Variants in KIRREL3 observed in about 807,000 individuals in gnomAD.
The protein encoded by KIRREL3 is kin of IRRE-like protein 3.
Under a neutral mutation model 89.7 loss-of-function variants are expected in KIRREL3, and 36 were observed. The observed-to-expected ratio is 0.40, with a 90% CI of 0.31 to 0.53. The LOEUF (loss-of-function observed/expected upper bound fraction) is 0.53, where lower values mean the gene tolerates loss of function less well. KIRREL3 is among the 20% of genes least tolerant of loss of function. KIRREL3 has a pLI of 0.49. For synonymous variants in KIRREL3, 445 were observed against 441.4 expected (o/e 1.01, Z -0.10); for missense variants, 864 against 1,056.6 (o/e 0.82, Z 2.53).
intron 4 of KIRREL3, among the ~76,000 whole-genome samples, chr11:126,507,918 A>G (rs546950653): frequency 6.6e-6 from 1 of 152,056 alleles, no homozygotes; most frequent in Non-Finnish European, 1.5e-5. Flanking sequence ...GCCTCTAGCT[A>G]TTTCCTTTGT....
chr11:126,871,059 T>G (rs1360132841), intron 1 of KIRREL3, among the ~76,000 whole-genome samples: 1 of 152,180 alleles, frequency 6.6e-6, no homozygotes, highest in Admixed American at 6.5e-5. Flanking sequence ...ACGGAGCCTC[T>G]TTTGATGAAA....
At chr11:126,442,176 G>A (rs536081722) in intron 10 of KIRREL3, among the ~76,000 whole-genome samples, 1 of 148,402 alleles carries the variant, frequency 6.7e-6, no homozygotes, top group Admixed American at 6.8e-5. Context: ...CAGGAGAATT[G>A]CTTGAACCTG....
At chr11:126,858,063 G>A (rs574012996) in intron 1 of KIRREL3, among the ~76,000 whole-genome samples, 2 of 152,150 alleles carry the variant, frequency 1.3e-5, no homozygotes, top group East Asian at 1.9e-4. Context: ...GAACTGCCTC[G>A]CCAAATGTGC....
At chr11:126,440,356 G>T in intron 11 of KIRREL3, 93 bp downstream of exon 11, 1 of 1,058,286 alleles carries the variant, frequency 9.4e-7, no homozygotes, top group Non-Finnish European at 1.4e-6. Context: ...GAACCTCGGA[G>T]GTGTGCACCG....
rs1949927022 is a variant in KIRREL3 at position 126,768,799 on chromosome 11, G to A, written c.56-205887C>T. The stretch of plus-strand genomic sequence containing the variant: ...CACTGTGGCTAAGCTTGATGGTCCT[G>A]GGGAAAGGAGGTATGGCAGGATGTC... On this transcript the variant is annotated intron_variant, in intron 1 of 16. Transcript: ENST00000525144. This position sits in a 1 kb window ranked among gnomAD's most constrained non-coding sequence, Gnocchi z 4.5. Among the ~76,000 whole-genome samples, 1 of 152,168 alleles carries A rather than the reference G, an allele frequency of 6.6e-6. No homozygotes were observed. Among genetic ancestry groups the A allele is most frequent in the African/African-American group, 2.4e-5 (1 of 41,434 alleles).
Position 126,642,830 on chromosome 11 carries a change from A to G in KIRREL3, c.56-79918T>C, listed in dbSNP as rs1270002243. Among the ~76,000 whole-genome samples, 2 of 152,230 alleles carry G rather than the reference A, an allele frequency of 1.3e-5. No individual in the cohort carries two copies. On this transcript the variant is annotated intron_variant, in intron 1 of 16. Transcript: ENST00000525144. This position sits in a 1 kb window ranked among gnomAD's most constrained non-coding sequence, Gnocchi z 4.9. Reference sequence around the variant, plus strand: ...TTGTATGTGCAAAATTCTGAACTGTACATCCAGTTGAACAAAGTAAACATT... The same window carrying G: ...TTGTATGTGCAAAATTCTGAACTGTGCATCCAGTTGAACAAAGTAAACATT...
In KIRREL3 at chr11:126,571,431, G is replaced by A. The variant is rs527707559; in HGVS notation, c.56-8519C>T. ...TGGGGGCTGGGTGCAGCCCAGCCTT[G>A]CCCCTCTCCCTTGGCCAGCATCACC... On this transcript the variant is annotated intron_variant, in intron 1 of 16. Transcript: ENST00000525144. This position sits in a 1 kb window ranked among gnomAD's most constrained non-coding sequence, Gnocchi z 7.7. 4.1e-4 allele frequency among the ~76,000 whole-genome samples: 62 copies of A among 152,308 alleles called. No individual in the cohort carries two copies. Among genetic ancestry groups the A allele is most frequent in the Non-Finnish European group, 2.2e-4 (15 of 68,020 alleles).
At chr11:126,426,823 A>G (rs2134136720) in intron 15 of KIRREL3, among the ~76,000 whole-genome samples, 1 of 152,234 alleles carries the variant, frequency 6.6e-6, no homozygotes. Flanking sequence ...CTGCCTCCTC[A>G]CTAAGGAGAC....
intron 1 of KIRREL3, among the ~76,000 whole-genome samples, chr11:126,680,423 G>T (rs980002879): frequency 2.1e-5 from 3 of 145,040 alleles, no homozygotes; most frequent in African/African-American, 8.3e-5. Context: ...TATACACATA[G>T]CCAGCAGCCA....
chr11:126,585,092 TG>T (rs950007036), intron 1 of KIRREL3, among the ~76,000 whole-genome samples: 6 of 149,034 alleles, frequency 4.0e-5, no homozygotes, highest in African/African-American at 1.5e-4. Context: ...GCTAATTTTT[TG>T]TATTTTTAGT....
rs1011468252 is a variant in KIRREL3, at chr11:126,983,873, C to T, written c.55+16582G>A. Among the ~76,000 whole-genome samples, 2 of 152,078 alleles carry T rather than the reference C, an allele frequency of 1.3e-5. No homozygotes were observed. Among genetic ancestry groups the T allele is most frequent in the African/African-American group, 4.8e-5 (2 of 41,404 alleles). On this transcript the variant is annotated intron_variant, in intron 1 of 16. Transcript: ENST00000525144. This position sits in a 1 kb window ranked among gnomAD's most constrained non-coding sequence, Gnocchi z 4.9. ...ACATAGCCTTTCTCAACTGAGATTC[C>T]TCCTCTGAACCAGAGAACCCCGAGA...
intron 1 of KIRREL3, among the ~76,000 whole-genome samples, chr11:126,760,512 C>T (rs542283911): frequency 6.6e-6 from 1 of 152,188 alleles, no homozygotes; most frequent in Non-Finnish European, 1.5e-5. Context: ...AAAGAAACAC[C>T]GAAGAAGAGT....
At position 126,515,734 on chromosome 11, in the gene KIRREL3, G is replaced by A. The variant is rs1321967117; in HGVS notation, c.433+5581C>T. 5.3e-5 allele frequency among the ~76,000 whole-genome samples: 8 copies of A among 152,174 alleles called. No individual in the cohort carries two copies. Among genetic ancestry groups the A allele is most frequent in the Non-Finnish European group, 1.5e-5 (1 of 68,030 alleles). The stretch of plus-strand genomic sequence containing the variant: ...GGACACAGCTGGGGGCTGGCCTCGG[G>A]GGGCCTTGTGTGGCCTGGCAGGGAG... On this transcript the variant is annotated intron_variant, in intron 4 of 16. Coordinates refer to ENST00000525144, the MANE Select transcript of KIRREL3 (RefSeq NM_032531.4). This position sits in a 1 kb window ranked among gnomAD's most constrained non-coding sequence, Gnocchi z 4.2.
Position 126,562,347 on chromosome 11 carries a change from AG to A in KIRREL3, c.133+487del, listed in dbSNP as rs1175619199. Among the ~76,000 whole-genome samples the A allele has an allele frequency of 6.6e-6, 1 of 152,154 alleles. No individual in the cohort carries two copies. The highest frequency in any genetic ancestry group is 1.5e-5 in the Non-Finnish European group (1 of 68,022). On this transcript the variant is annotated intron_variant, in intron 2 of 16. Coordinates refer to ENST00000525144, the MANE Select transcript of KIRREL3 (RefSeq NM_032531.4). The surrounding 1 kb of genome is among the most constrained non-coding windows in gnomAD (Gnocchi z 4.7). ...GGGGTAGGGTCAGTGGAGTTGGGAAAGGGGGCAGGTTTCCTAGGGTAAGTTC... is the reference window on the plus strand; with the variant it reads ...GGGGTAGGGTCAGTGGAGTTGGGAAAGGGGCAGGTTTCCTAGGGTAAGTTC...
At chr11:126,818,616 GTAGT>G in intron 1 of KIRREL3, among the ~76,000 whole-genome samples, 1 of 68,052 alleles carries the variant, frequency 1.5e-5, no homozygotes, top group South Asian at 5.2e-4. Context: ...AGTAGTAGTA[GTAGT>G]AGTAGTGTGT....
In KIRREL3 at chr11:126,529,216, A is replaced by G. The variant is rs1465792841; in HGVS notation, c.134-2529T>C. On this transcript the variant is annotated intron_variant, in intron 2 of 16. Coordinates refer to ENST00000525144, the MANE Select transcript of KIRREL3 (RefSeq NM_032531.4). ...GGAAGTGGGGTGCAAGAAGCATCCG[A>G]GGGCCAAGGGTAAGTTGTGGACCGG... Among the ~76,000 whole-genome samples, 3 of 152,162 alleles carry G rather than the reference A, an allele frequency of 2.0e-5. No homozygotes were observed. The South Asian group carries it at 6.2e-4, about 32-fold the overall frequency.
chr11:126,615,701 A>G lies in KIRREL3; in HGVS notation c.56-52789T>C, dbSNP rs184927076. Among the ~76,000 whole-genome samples the G allele has an allele frequency of 3.2e-4, 48 of 152,286 alleles. No individual in the cohort carries two copies. The highest frequency in any genetic ancestry group is 1.1e-3 in the African/African-American group (47 of 41,552). On this transcript the variant is annotated intron_variant, in intron 1 of 16. Transcript: ENST00000525144. The surrounding 1 kb of genome is among the most constrained non-coding windows in gnomAD (Gnocchi z 5.4). Reference sequence around the variant, plus strand: ...TTTTAGAGTCTGAGGTCACCCAGTTACTGCTCTATCAGCCACCTACCCCAC... The same window carrying G: ...TTTTAGAGTCTGAGGTCACCCAGTTGCTGCTCTATCAGCCACCTACCCCAC...
In KIRREL3 at chr11:126,918,068, C is replaced by T. The variant is rs967425104; in HGVS notation, c.55+82387G>A. Among the ~76,000 whole-genome samples, 3 of 152,168 alleles carry T rather than the reference C, an allele frequency of 2.0e-5. No homozygotes were observed. The highest frequency in any genetic ancestry group is 4.4e-5 in the Non-Finnish European group (3 of 68,020). ...CTGGTTTTGTGCATTCTCAGAAATA[C>T]GAGATTGGCCCATAATGATATGCAT... On this transcript the variant is annotated intron_variant, in intron 1 of 16. Coordinates refer to ENST00000525144, the MANE Select transcript of KIRREL3 (RefSeq NM_032531.4). This position sits in a 1 kb window ranked among gnomAD's most constrained non-coding sequence, Gnocchi z 6.5.
chr11:126,583,179 C>G (rs1345274273), intron 1 of KIRREL3, among the ~76,000 whole-genome samples: 2 of 152,216 alleles, frequency 1.3e-5, no homozygotes, highest in Non-Finnish European at 2.9e-5. Context: ...CAGATGTGGT[C>G]CTGGACCTTC....
Sources: gnomAD v4.1 joint callset for allele counts (sites outside exome capture counted in the v4.1 genomes callset) on GRCh38, gnomAD v4.1.1 for gene constraint, Gnocchi (gnomAD v3.1) non-coding constraint, MANE v1.5 for transcripts, NCBI Gene and HGNC (gene_info 2026-07-23, HGNC 2026-07-21) for gene names.